Variants in TMEM14B observed in about 807,000 individuals in gnomAD.
TMEM14B encodes transmembrane protein 14B.
TMEM14B carries 9 observed loss-of-function variants against 14.8 expected under a neutral mutation model. That is an observed-to-expected ratio of 0.61 (90% CI 0.37 to 1.06). The LOEUF (loss-of-function observed/expected upper bound fraction) is 1.06, where lower values mean the gene tolerates loss of function less well. TMEM14B is among the 50% of genes least tolerant of loss of function. The pLI is 0.01. For missense variants in TMEM14B, 128 were observed against 143.6 expected (o/e 0.89, Z 0.56); for synonymous variants, 40 against 51.3 (o/e 0.78, Z 0.94).
chr6:10,758,848 C>A (rs1046800378), downstream of TMEM14B: 3 of 165,538 alleles, frequency 1.8e-5, no homozygotes, highest in African/African-American at 7.3e-5. Flanking sequence ...ATATACAGTG[C>A]CTCAAAGGCA....
downstream of TMEM14B, among the ~76,000 whole-genome samples, chr6:10,757,762 G>A (rs537828356): frequency 3.3e-5 from 5 of 152,130 alleles, no homozygotes; most frequent in Non-Finnish European, 5.9e-5. Context: ...AGGCCGAGAT[G>A]GGTGGATCAC....
intron 4 of TMEM14B, among the ~76,000 whole-genome samples, chr6:10,753,174 C>T (rs1771658349): frequency 1.3e-5 from 2 of 151,886 alleles, no homozygotes; most frequent in South Asian, 2.1e-4. Flanking sequence ...AAGTGGAGGT[C>T]GCGGTGAGCC....
At chr6:10,758,521 A>AG (rs898283275), downstream of TMEM14B, among the ~76,000 whole-genome samples, 3 of 152,218 alleles carry the variant, frequency 2.0e-5, no homozygotes, top group African/African-American at 7.2e-5. Flanking sequence ...TTACTGCCTA[A>AG]GGGTTGTGCT....
At chr6:10,756,254 CAT>C (rs1227538699) in intron 5 of TMEM14B, among the ~76,000 whole-genome samples, 2 of 152,136 alleles carry the variant, frequency 1.3e-5, no homozygotes, top group Non-Finnish European at 2.9e-5. Flanking sequence ...GGATCTAGCT[CAT>C]GTGTGCTATT....
chr6:10,756,713 A>G lies in TMEM14B; in HGVS notation c.*195A>G. 9 of 1,333,360 alleles carry G rather than the reference A, an allele frequency of 6.7e-6. No homozygotes were observed. The highest frequency in any genetic ancestry group is 8.6e-6 in the Non-Finnish European group (9 of 1,041,054). 82.6% of individuals were successfully genotyped at this position (1,333,360 alleles called of 1,614,324 possible). A position where few individuals can be genotyped will look rare whatever the true frequency, so the allele number is the denominator to read the frequency against. On this transcript the variant is annotated 3_prime_UTR_variant, in exon 6 of 6. Coordinates refer to ENST00000379542, the MANE Select transcript of TMEM14B (RefSeq NM_030969.5). Reference sequence around the variant, plus strand: ...AACCCTACAGAGGTGGTGAGCATGTAACATGAGCTTATTGAGACCATCATA... The same window carrying G: ...AACCCTACAGAGGTGGTGAGCATGTGACATGAGCTTATTGAGACCATCATA...
At chr6:10,749,782 C>A (rs1278282472) in intron 3 of TMEM14B, 84 bp downstream of exon 3, 2 of 1,526,446 alleles carry the variant, frequency 1.3e-6, no homozygotes. Flanking sequence ...GAGAAGCAAT[C>A]TCGTTTGACT....
At position 10,751,421 on chromosome 6, in the gene TMEM14B, G is replaced by A. The variant is rs374886344; in HGVS notation, c.202+187G>A. 1.4e-3 allele frequency among the ~76,000 whole-genome samples: 219 copies of A among 152,116 alleles called. 6 individuals carry two copies. The South Asian group carries it at 0.037, about 26-fold the overall frequency. Reference sequence around the variant, plus strand: ...GGTGGTGGGAATTGTCCTGGTTCCTGTTTATTGTTTATGTAGATAATATGG... The same window carrying A: ...GGTGGTGGGAATTGTCCTGGTTCCTATTTATTGTTTATGTAGATAATATGG... On this transcript the variant is annotated intron_variant, in intron 4 of 5. Transcript: ENST00000379542.
chr6:10,756,298 G>C (rs189787652), intron 5 of TMEM14B, among the ~76,000 whole-genome samples, 169 bp from the exon 6 acceptor site: 9 of 152,260 alleles, frequency 5.9e-5, no homozygotes, highest in Admixed American at 5.9e-4. Context: ...CCCTTGGCTT[G>C]CTTTTTCTCT....
At chr6:10,748,097 C>G (rs1581608894) in intron 1 of TMEM14B, among the ~76,000 whole-genome samples, 1 of 152,260 alleles carries the variant, frequency 6.6e-6, no homozygotes, top group East Asian at 1.9e-4. Context: ...CAAAGGCTTA[C>G]CCTTGTAGCA....
chr6:10,758,012 T>C (rs1771864184), downstream of TMEM14B, among the ~76,000 whole-genome samples: 2 of 152,062 alleles, frequency 1.3e-5, no homozygotes, highest in South Asian at 4.1e-4. Flanking sequence ...AAAAGATATT[T>C]GCTACTGATT....
intron 3 of TMEM14B, among the ~76,000 whole-genome samples, chr6:10,750,408 TTTTCTTTTATAC>T (rs1211957632): frequency 7.3e-6 from 1 of 137,244 alleles, no homozygotes; most frequent in Non-Finnish European, 1.5e-5. Flanking sequence ...AGGGGCTAGA[TTTTCTTTTATAC>T]TTTGGTTTAG....
chr6:10,750,742 C>T (rs1398335320), intron 3 of TMEM14B, among the ~76,000 whole-genome samples: 1 of 151,882 alleles, frequency 6.6e-6, no homozygotes, highest in Admixed American at 6.6e-5. Context: ...GTCTGGCTCT[C>T]TTAGCTAAGG....
At chr6:10,755,969 A>G (rs1771789132) in intron 5 of TMEM14B, among the ~76,000 whole-genome samples, 1 of 151,914 alleles carries the variant, frequency 6.6e-6, no homozygotes, top group Admixed American at 6.6e-5. Context: ...AAAAAAAAAA[A>G]GTTCACTTGT....
In TMEM14B at chr6:10,756,657, G is replaced by A. The variant is rs544134130; in HGVS notation, c.*139G>A. 5.5e-5 allele frequency: 78 copies of A among 1,410,550 alleles called. No homozygotes were observed. Among genetic ancestry groups the A allele is most frequent in the African/African-American group, 3.5e-4 (24 of 68,460 alleles). The allele number at this position is 1,410,550 out of a possible 1,614,324, so 87.4% of individuals were successfully genotyped here. ...AAAAAAAAAAGACACCAAATTTGGCGGAGGGGTGGAAAATCAGTTGTTACC... is the reference window on the plus strand; with the variant it reads ...AAAAAAAAAAGACACCAAATTTGGCAGAGGGGTGGAAAATCAGTTGTTACC... On this transcript the variant is annotated 3_prime_UTR_variant, in exon 6 of 6. Coordinates refer to ENST00000379542, the MANE Select transcript of TMEM14B (RefSeq NM_030969.5).
At chr6:10,753,192 C>T (rs1033748791) in intron 4 of TMEM14B, among the ~76,000 whole-genome samples, 4 of 151,472 alleles carry the variant, frequency 2.6e-5, no homozygotes, top group East Asian at 2.0e-4. Context: ...GCCGAGATGA[C>T]GCCACTGCAC....
chr6:10,758,718 A>C (rs1025484713), downstream of TMEM14B, among the ~76,000 whole-genome samples: 2 of 152,146 alleles, frequency 1.3e-5, no homozygotes, highest in Non-Finnish European at 2.9e-5. Flanking sequence ...TTCACAAAGG[A>C]ACCAACAGTT....
intron 4 of TMEM14B, among the ~76,000 whole-genome samples, chr6:10,754,882 G>A (rs1478659698): frequency 2.0e-5 from 3 of 152,248 alleles, no homozygotes; most frequent in Non-Finnish European, 4.4e-5. Flanking sequence ...GATGGCTAAA[G>A]TGTGGGTTTT....
downstream of TMEM14B, among the ~76,000 whole-genome samples, chr6:10,758,071 T>C (rs1771865741): frequency 6.6e-6 from 1 of 152,186 alleles, no homozygotes; most frequent in Non-Finnish European, 1.5e-5. Flanking sequence ...AGACACTTTA[T>C]GTATTTGCAT....
At chr6:10,752,355 C>G (rs1474635529) in intron 4 of TMEM14B, among the ~76,000 whole-genome samples, 3 of 151,908 alleles carry the variant, frequency 2.0e-5, no homozygotes, top group Non-Finnish European at 4.4e-5. Context: ...GACCTTTACA[C>G]TGGCCAGGAT....
Sources: allele counts gnomAD v4.1 joint callset (sites outside exome capture counted in the v4.1 genomes callset), GRCh38; gene constraint gnomAD v4.1.1; transcripts MANE v1.5; gene names NCBI Gene and HGNC (gene_info 2026-07-23, HGNC 2026-07-21).